Variants in ADCK1 observed in about 807,000 individuals in gnomAD.
ADCK1 encodes the protein aarF domain-containing protein kinase 1.
Under a neutral mutation model 52.3 loss-of-function variants are expected in ADCK1, and 41 were observed. The ratio of observed to expected loss-of-function variants is 0.78; its 90% CI spans 0.61 to 1.02. ADCK1 has a LOEUF of 1.02. Ranked by LOEUF, ADCK1 falls within the 50% of genes least tolerant of loss-of-function variation. The pLI is 0.00. For missense variants in ADCK1, 658 were observed against 679.5 expected, an observed-to-expected ratio of 0.97 and a Z score of 0.35; for synonymous variants, 250 against 274.6, an observed-to-expected ratio of 0.91 and a Z score of 0.89.
intron 3 of ADCK1, among the ~76,000 whole-genome samples, chr14:77,835,350 A>G (rs1429530365): frequency 6.6e-6 from 1 of 152,220 alleles, no homozygotes; most frequent in African/African-American, 2.4e-5. Context: ...GTTGTAGCCT[A>G]TGGGTACTTC....
intron 7 of ADCK1, among the ~76,000 whole-genome samples, chr14:77,910,814 C>T (rs548887236): frequency 2.0e-5 from 3 of 152,212 alleles, no homozygotes; most frequent in Non-Finnish European, 2.9e-5. Context: ...CTGGGCAGGG[C>T]GTACCCTCTG....
intron 3 of ADCK1, among the ~76,000 whole-genome samples, chr14:77,837,222 T>G (rs1218077678): frequency 6.6e-6 from 1 of 151,790 alleles, no homozygotes; most frequent in Middle Eastern, 3.4e-3. Context: ...CAATCTCTTC[T>G]GCCTCCTGGG....
chr14:77,899,402 T>C, intron 6 of ADCK1, 144 bp downstream of exon 6: 22 of 1,101,156 alleles, frequency 2.0e-5, no homozygotes, highest in Non-Finnish European at 2.6e-5. Context: ...ATGACATCAC[T>C]GGTGATGTGC....
Position 77,933,376 on chromosome 14 carries a change from C to G in ADCK1, c.1557C>G (p.Phe519Leu). 6.2e-7 allele frequency: 1 copy of G among 1,614,018 alleles called. No homozygotes were observed. Among genetic ancestry groups the G allele is most frequent in the Non-Finnish European group, 8.5e-7 (1 of 1,180,020 alleles). Residue 519 changes from phenylalanine (F) to leucine (L), a missense_variant, in exon 11 of 11, where the codon TTC becomes TTG. By Grantham distance (22) the Phe-to-Leu change is conservative. Coordinates refer to ENST00000238561, the MANE Select transcript of ADCK1 (RefSeq NM_020421.4). ...DRVLALICWL[F>L]PAPL ...TCTTGGCCCTAATATGCTGGCTGTT[C>G]CCTGCTCCACTCTGAGTGGAATTGC...
chr14:77,845,944 GGT>G (rs1188779747), intron 3 of ADCK1, among the ~76,000 whole-genome samples: 1 of 152,182 alleles, frequency 6.6e-6, no homozygotes, highest in Non-Finnish European at 1.5e-5. Context: ...CTAATAACCA[GGT>G]GTGAGATGGT....
At chr14:77,890,052 T>C (rs1264027447) in intron 5 of ADCK1, among the ~76,000 whole-genome samples, 1 of 152,112 alleles carries the variant, frequency 6.6e-6, no homozygotes, top group African/African-American at 2.4e-5. Context: ...CTATATTCAG[T>C]GGAGAAAAGT....
At chr14:77,835,583 A>G (rs2081943884) in intron 3 of ADCK1, among the ~76,000 whole-genome samples, 1 of 152,198 alleles carries the variant, frequency 6.6e-6, no homozygotes, top group Admixed American at 6.5e-5. Flanking sequence ...GGGGAGCCTT[A>G]TAAAGCACAC....
chr14:77,828,315 C>G (rs897240257), intron 3 of ADCK1, among the ~76,000 whole-genome samples: 1 of 152,150 alleles, frequency 6.6e-6, no homozygotes, highest in African/African-American at 2.4e-5. Context: ...TGCCCCTGTT[C>G]CGTTTATAAG....
rs145261756 is a variant in ADCK1 at position 77,910,448 on chromosome 14, G to A, written c.858+2529G>A. Among the ~76,000 whole-genome samples, 599 of 152,078 alleles carry A rather than the reference G, an allele frequency of 3.9e-3. 1 individual carries two copies. The highest frequency in any genetic ancestry group is 6.1e-3 in the Non-Finnish European group (416 of 68,004). ...CAGAATACAGTCTTTGGTTCCAGTGGCGAAGGGATTCGATGGGATGGGAGG... is the reference window on the plus strand; with the variant it reads ...CAGAATACAGTCTTTGGTTCCAGTGACGAAGGGATTCGATGGGATGGGAGG... On this transcript the variant is annotated intron_variant, in intron 7 of 10. Coordinates refer to ENST00000238561, the MANE Select transcript of ADCK1 (RefSeq NM_020421.4).
At chr14:77,892,035 T>C (rs977993035) in intron 5 of ADCK1, among the ~76,000 whole-genome samples, 1 of 152,180 alleles carries the variant, frequency 6.6e-6, no homozygotes, top group Admixed American at 6.5e-5. Context: ...GAGGAAAAGC[T>C]ACTTTTCTGC....
chr14:77,843,819 TA>T (rs1220461743), intron 3 of ADCK1, among the ~76,000 whole-genome samples: 3 of 152,186 alleles, frequency 2.0e-5, no homozygotes, highest in Non-Finnish European at 4.4e-5. Context: ...TGTTCTCTAT[TA>T]AAATGCAAGT....
intron 7 of ADCK1, among the ~76,000 whole-genome samples, chr14:77,922,712 C>T (rs1245651834): frequency 6.6e-6 from 1 of 152,130 alleles, no homozygotes; most frequent in Non-Finnish European, 1.5e-5. Context: ...TTGGCTCGAC[C>T]CTTTTCTAGC....
chr14:77,864,395 G>A (rs2082618472), intron 4 of ADCK1, among the ~76,000 whole-genome samples: 1 of 152,218 alleles, frequency 6.6e-6, no homozygotes, highest in African/African-American at 2.4e-5. Flanking sequence ...AGCAGGCACT[G>A]TAGGCGCAAG....
At chr14:77,860,627 A>G (rs2082524200) in intron 4 of ADCK1, among the ~76,000 whole-genome samples, 2 of 152,286 alleles carry the variant, frequency 1.3e-5, no homozygotes, top group South Asian at 4.1e-4. Context: ...AGTGAAAGGT[A>G]AACCCGAACT....
chr14:77,843,343 T>A (rs2082114012), intron 3 of ADCK1, among the ~76,000 whole-genome samples: 1 of 152,234 alleles, frequency 6.6e-6, no homozygotes, highest in Non-Finnish European at 1.5e-5. Context: ...GCTCGCGGCC[T>A]AACACTTGTT....
intron 5 of ADCK1, among the ~76,000 whole-genome samples, chr14:77,890,276 C>T (rs1283488710): frequency 6.6e-6 from 1 of 152,128 alleles, no homozygotes; most frequent in Admixed American, 6.5e-5. Context: ...TTGGTGCTAG[C>T]TGTTGTCTGG....
chr14:77,820,074 A>G (rs919260132), intron 2 of ADCK1, among the ~76,000 whole-genome samples: 2 of 152,186 alleles, frequency 1.3e-5, no homozygotes, highest in Non-Finnish European at 2.9e-5. Flanking sequence ...TTGGTCGAGC[A>G]TTGTCTTACA....
intron 3 of ADCK1, among the ~76,000 whole-genome samples, chr14:77,841,674 C>CAAAAAAAAAAAAA (rs71128696): frequency 1.3e-5 from 1 of 74,276 alleles, no homozygotes; most frequent in African/African-American, 6.4e-5. Context: ...ACTAAAAATA[C>CAAAAAAAAAAAAA]AAAAAAAAAA....
intron 4 of ADCK1, among the ~76,000 whole-genome samples, chr14:77,879,291 A>G (rs560640094): frequency 6.6e-6 from 1 of 152,356 alleles, no homozygotes; most frequent in South Asian, 2.1e-4. Flanking sequence ...TCTATAGTCT[A>G]GAAGAGAAGG....
Sources: allele counts gnomAD v4.1 joint callset (sites outside exome capture counted in the v4.1 genomes callset), GRCh38; gene constraint gnomAD v4.1.1; transcripts MANE v1.5; gene names NCBI Gene and HGNC (gene_info 2026-07-23, HGNC 2026-07-21).